Variants in GSE1 observed in about 807,000 individuals in gnomAD.
GSE1 encodes Gse1 coiled-coil protein, also known as genetic suppressor element 1.
In GSE1, 32 loss-of-function variants were observed where a neutral mutation model predicts 112.6. The observed-to-expected ratio is 0.28, with a 90% CI of 0.21 to 0.38. The LOEUF is 0.38. Ranked by LOEUF, GSE1 falls within the 10% of genes least tolerant of loss-of-function variation. GSE1 has a pLI of 1.00. For missense variants in GSE1, 2,348 were observed against 1,699.2 expected, an observed-to-expected ratio of 1.38 and a Z score of -6.71; for synonymous variants, 1,115 against 735.6, an observed-to-expected ratio of 1.52 and a Z score of -8.35.
At chr16:85,498,164 C>T (rs1010079524) in intron 2 of GSE1, among the ~76,000 whole-genome samples, 2 of 152,084 alleles carry the variant, frequency 1.3e-5, no homozygotes, top group Non-Finnish European at 2.9e-5. Context: ...CACACTCCCC[C>T]GTTTGTTCTG....
At chr16:85,481,024 C>A (rs530341321) in intron 2 of GSE1, among the ~76,000 whole-genome samples, 72 of 152,322 alleles carry the variant, frequency 4.7e-4, no homozygotes, top group Middle Eastern at 3.4e-3. Context: ...TTTAATCTGC[C>A]CTTGCTCCCT....
At chr16:85,572,063 T>TACCACACACACACCAC (rs1567602595) in intron 1 of GSE1, among the ~76,000 whole-genome samples, 2 of 150,078 alleles carry the variant, frequency 1.3e-5, no homozygotes, top group African/African-American at 2.5e-5. Flanking sequence ...CCACACACCA[T>TACCACACACACACCAC]ACACACAACC....
At chr16:85,618,501 C>T (rs2048521243) in intron 1 of GSE1, among the ~76,000 whole-genome samples, 1 of 152,180 alleles carries the variant, frequency 6.6e-6, no homozygotes, top group Non-Finnish European at 1.5e-5. Flanking sequence ...CCTGTGTGAC[C>T]TCAGGCACTT....
chr16:85,429,646 C>G (rs1035244784), intron 2 of GSE1, among the ~76,000 whole-genome samples: 1 of 152,212 alleles, frequency 6.6e-6, no homozygotes, highest in Non-Finnish European at 1.5e-5. Context: ...ATCTCCCTTG[C>G]TGGCTCTGCT....
At chr16:85,525,390 C>A (rs534089992) in intron 2 of GSE1, among the ~76,000 whole-genome samples, 1 of 152,196 alleles carries the variant, frequency 6.6e-6, no homozygotes, top group African/African-American at 2.4e-5. Flanking sequence ...CAGCTGTCGG[C>A]GTGGCTGTCA....
chr16:85,424,861 C>G (rs1597716072), intron 2 of GSE1, among the ~76,000 whole-genome samples: 1 of 152,378 alleles, frequency 6.6e-6, no homozygotes, highest in East Asian at 1.9e-4. Flanking sequence ...TTACAGCGAT[C>G]AGTGGAAAAA....
In GSE1 at chr16:85,568,756, C is replaced by T. The variant is rs147540306; in HGVS notation, c.37+12393C>T. On this transcript the variant is annotated intron_variant, in intron 1 of 2. Transcript: ENST00000635906. ...ACAGCTCATTAGCAAAGTTGAAGCT[C>T]GACCAGGGCTGGGCTGGGGCCAGCT... Among the ~76,000 whole-genome samples, 340 of 152,270 alleles carry T rather than the reference C, an allele frequency of 2.2e-3. 3 individuals are homozygous for T. Among genetic ancestry groups the T allele is most frequent in the Middle Eastern group, 0.014 (4 of 294 alleles).
Position 85,663,110 on chromosome 16 carries a change from C to T in GSE1, c.2373+17C>T, listed in dbSNP as rs372767869. ...TCCTCTGAGGTACTGGGCTCTCCTC[C>T]CCACGGACATGCTCTGGGCTGGGCT... On this transcript the variant is annotated intron_variant, in intron 10 of 15. Coordinates refer to ENST00000253458, the MANE Select transcript of GSE1 (RefSeq NM_014615.5). 27 of 1,523,866 alleles carry T rather than the reference C, an allele frequency of 1.8e-5. No homozygotes were observed. The highest frequency in any genetic ancestry group is 2.5e-5 in the Non-Finnish European group (27 of 1,100,564). 94.4% of individuals were successfully genotyped at this position (1,523,866 alleles called of 1,614,324 possible). A position where few individuals can be genotyped will look rare whatever the true frequency, so the allele number is the denominator to read the frequency against.
At chr16:85,446,003 C>A (rs1047191891) in intron 2 of GSE1, among the ~76,000 whole-genome samples, 2 of 152,206 alleles carry the variant, frequency 1.3e-5, no homozygotes, top group South Asian at 2.1e-4. Context: ...CGGGTAACGG[C>A]TGTGCGTGTA....
chr16:85,599,066 C>G (rs926105632), intron 1 of GSE1, among the ~76,000 whole-genome samples: 2 of 152,242 alleles, frequency 1.3e-5, no homozygotes, highest in Non-Finnish European at 2.9e-5. Context: ...AAGGCCCACT[C>G]ACATCTTCGT....
chr16:85,672,333 A>C (rs778785709), intron 15 of GSE1, 72 bp from the exon 16 acceptor site: 2 of 1,123,906 alleles, frequency 1.8e-6, no homozygotes, highest in African/African-American at 3.1e-5. Flanking sequence ...TCCATCCAGC[A>C]TGTTTGTACT....
intron 2 of GSE1, among the ~76,000 whole-genome samples, chr16:85,456,578 CCGTG>C (rs2049831051): frequency 1.5e-5 from 1 of 67,662 alleles, no homozygotes; most frequent in African/African-American, 5.9e-5. Flanking sequence ...CATTTTCCTG[CCGTG>C]TGTGTGTGTG....
chr16:85,556,329 G>A (rs1306657432), exon 1 of GSE1: 1 of 984,820 alleles, frequency 1.0e-6, no homozygotes, highest in Admixed American at 6.2e-5. Flanking sequence ...TTTGAACCAT[G>A]TTTGGATTGA....
intron 1 of GSE1, among the ~76,000 whole-genome samples, chr16:85,188,630 C>T (rs892916549): frequency 5.3e-5 from 8 of 151,642 alleles, no homozygotes; most frequent in Non-Finnish European, 1.2e-4. Context: ...AGCAAGACGC[C>T]ATCTCTACAA....
At chr16:85,661,083 G>C (rs944214599) in intron 8 of GSE1, 63 bp from the exon 9 acceptor site, 1 of 1,475,438 alleles carries the variant, frequency 6.8e-7, no homozygotes, top group African/African-American at 1.4e-5. Context: ...AGGCAGCCAG[G>C]GAAGCCTGTG....
At chr16:85,436,632 C>G (rs1306576819) in intron 2 of GSE1, among the ~76,000 whole-genome samples, 1 of 152,226 alleles carries the variant, frequency 6.6e-6, no homozygotes, top group Non-Finnish European at 1.5e-5. Context: ...ATTTGACCTC[C>G]CAGAGAGTCC....
rs78285062 is a variant in GSE1, at chr16:85,414,504, C to T, written c.2464+56861C>T. On this transcript the variant is annotated intron_variant, in intron 2 of 2. Coordinates refer to the GSE1 transcript ENST00000637419. Reference sequence around the variant, plus strand: ...ACTGCCCTGACCCACAGAATGACATCGCCATGCCTTCGTGGGTCCCAACAC... The same window carrying T: ...ACTGCCCTGACCCACAGAATGACATTGCCATGCCTTCGTGGGTCCCAACAC... Among the ~76,000 whole-genome samples the T allele has an allele frequency of 3.9e-3, 587 of 152,346 alleles. 4 individuals are homozygous for T. The highest frequency in any genetic ancestry group is 6.8e-3 in the Admixed American group (104 of 15,306).
chr16:85,387,909 T>G, intron 2 of GSE1, among the ~76,000 whole-genome samples: 1 of 150,270 alleles, frequency 6.7e-6, no homozygotes, highest in Admixed American at 6.6e-5. Flanking sequence ...TGTGAGTGGA[T>G]AGGTGGGTGA....
intron 2 of GSE1, among the ~76,000 whole-genome samples, chr16:85,537,952 C>T (rs1326374198): frequency 6.6e-6 from 1 of 152,150 alleles, no homozygotes; most frequent in African/African-American, 2.4e-5. Context: ...GTGGCTGGAG[C>T]AGGGGTGGAC....
Sources: gnomAD v4.1 joint callset for allele counts (sites outside exome capture counted in the v4.1 genomes callset) on GRCh38, gnomAD v4.1.1 for gene constraint, MANE v1.5 for transcripts, NCBI Gene and HGNC (gene_info 2026-07-23, HGNC 2026-07-21) for gene names.